Variants in TNIP1 observed in about 807,000 individuals in gnomAD.
The protein encoded by TNIP1 is TNFAIP3-interacting protein 1.
In TNIP1, 22 loss-of-function variants were observed where a neutral mutation model predicts 86.6. The ratio of observed to expected loss-of-function variants is 0.25; its 90% confidence interval spans 0.18 to 0.36. TNIP1 has a LOEUF of 0.36. Among genes scored for constraint, TNIP1 ranks in the 10% least tolerant of loss-of-function variants. The pLI is 1.00. For synonymous variants in TNIP1, 294 were observed against 313.0 expected (o/e 0.94, Z 0.64); for missense variants, 709 against 820.6 (o/e 0.86, Z 1.66).
At chr5:151,059,504 G>A (rs904698300) in intron 5 of TNIP1, among the ~76,000 whole-genome samples, 7 of 152,166 alleles carry the variant, frequency 4.6e-5, no homozygotes, top group Non-Finnish European at 1.0e-4. Context: ...TGTGAAGGGA[G>A]GCAGCAGGGA....
chr5:151,066,044 G>A (rs1416034779), intron 1 of TNIP1, among the ~76,000 whole-genome samples: 2 of 152,168 alleles, frequency 1.3e-5, no homozygotes, highest in Admixed American at 6.5e-5. Flanking sequence ...CATCGACTCC[G>A]TGCTAGGCAC....
At chr5:151,049,023 A>C (rs4958878) in intron 8 of TNIP1, among the ~76,000 whole-genome samples, 8 of 152,140 alleles carry the variant, frequency 5.3e-5, no homozygotes, top group African/African-American at 1.9e-4. Context: ...CCAAATAAGA[A>C]AATAGATTTG....
chr5:151,054,270 A>C (rs1383777284), intron 6 of TNIP1, among the ~76,000 whole-genome samples: 1 of 152,214 alleles, frequency 6.6e-6, no homozygotes, highest in Non-Finnish European at 1.5e-5. Flanking sequence ...TGTGTAACCC[A>C]GGGAGATTTC....
intron 16 of TNIP1, among the ~76,000 whole-genome samples, chr5:151,033,220 GAGGAA>G (rs1267227463): frequency 1.3e-5 from 2 of 151,018 alleles, no homozygotes; most frequent in African/African-American, 2.4e-5. Context: ...GGGGAGGGGA[GAGGAA>G]AGGAAAGGAA....
chr5:151,082,494 C>T (rs1319882531), upstream of TNIP1, among the ~76,000 whole-genome samples: 1 of 152,188 alleles, frequency 6.6e-6, no homozygotes, highest in Non-Finnish European at 1.5e-5. Flanking sequence ...TCTTCCTGCT[C>T]TTTGTGCCTG....
chr5:151,057,451 C>T (rs1581835279), intron 5 of TNIP1, among the ~76,000 whole-genome samples: 3 of 152,194 alleles, frequency 2.0e-5, no homozygotes, highest in Admixed American at 6.5e-5. Flanking sequence ...ACTGGCCGGG[C>T]GCGATGGCTC....
At chr5:151,038,049 A>G (rs1042433612) in intron 12 of TNIP1, among the ~76,000 whole-genome samples, 3 of 152,244 alleles carry the variant, frequency 2.0e-5, no homozygotes, top group Non-Finnish European at 4.4e-5. Context: ...CTCCAAGGTC[A>G]TCTTTATGAT....
intron 2 of TNIP1, 96 bp from the exon 3 acceptor site, chr5:151,063,843 T>C (rs187162594): frequency 5.2e-5 from 77 of 1,489,984 alleles, no homozygotes; most frequent in Non-Finnish European, 6.4e-5. Context: ...CCGCCTGGCT[T>C]CTGAGGCTCC....
chr5:151,057,570 A>AG (rs1760834769), intron 5 of TNIP1, among the ~76,000 whole-genome samples: 1 of 152,172 alleles, frequency 6.6e-6, no homozygotes, highest in Non-Finnish European at 1.5e-5. Flanking sequence ...TACAAAAATT[A>AG]GCTGGGCATG....
Position 151,033,801 on chromosome 5 carries a change from T to C in TNIP1, c.1588-2A>G. On this transcript the variant is annotated splice_acceptor_variant, in intron 15 of 17. Coordinates refer to ENST00000521591, the MANE Select transcript of TNIP1 (RefSeq NM_006058.5). LOFTEE classifies it high-confidence loss of function. ...CACATGGTAACGCTCTCCTGAGGCC[T>C]GCAAGAAAGGCTGACGTCTGGCTTT... 1 of 1,371,488 alleles carries C rather than the reference T, an allele frequency of 7.3e-7. No individual in the cohort carries two copies. 85.0% of individuals were successfully genotyped at this position (1,371,488 alleles called of 1,614,324 possible). A position where few individuals can be genotyped will look rare whatever the true frequency, so the allele number is the denominator to read the frequency against.
At chr5:151,046,335 GA>G (rs1177795300) in intron 8 of TNIP1, 1 of 181,692 alleles carries the variant, frequency 5.5e-6, no homozygotes, top group Non-Finnish European at 1.2e-5. Context: ...GACAGATATA[GA>G]TATAGATATA....
chr5:151,053,528 T>A (rs75638746), intron 6 of TNIP1, among the ~76,000 whole-genome samples: 1 of 152,150 alleles, frequency 6.6e-6, no homozygotes, highest in Non-Finnish European at 1.5e-5. Flanking sequence ...GGGACTCATA[T>A]TGGAAGCTCT....
intron 8 of TNIP1, chr5:151,046,349 C>T (rs72790113): frequency 0.094 from 15,389 of 164,226 alleles, 833 homozygotes; most frequent in Middle Eastern, 0.2. Flanking sequence ...TAGATATACT[C>T]ATTCTATAAA....
intron 8 of TNIP1, among the ~76,000 whole-genome samples, chr5:151,049,421 G>C (rs1034477965): frequency 1.3e-5 from 2 of 152,162 alleles, no homozygotes; most frequent in African/African-American, 4.8e-5. Context: ...ATCCAAGGGA[G>C]CTTGCTCAAC....
rs1450373345 is a variant in TNIP1, at chr5:151,032,351, C to A, written c.1812G>T (p.Gly604=). ...PEYTWRLPCG[G]VRNPNQSSQV... ...GGGAGCTCTGATTTGGATTTCGAAC[C>A]CCTCCACAGGGTAGACGCCAGGTGT... The change falls in exon 17 of 18, where the codon GGG becomes GGT. Residue 604 remains glycine, a synonymous_variant. Coordinates refer to ENST00000521591, the MANE Select transcript of TNIP1 (RefSeq NM_006058.5). The A allele has an allele frequency of 1.2e-6, 2 of 1,614,102 alleles. No homozygotes were observed. Among genetic ancestry groups the A allele is most frequent in the Admixed American group, 3.3e-5 (2 of 60,008 alleles).
intron 11 of TNIP1, among the ~76,000 whole-genome samples, chr5:151,040,923 C>T (rs1758335379): frequency 6.6e-6 from 1 of 152,178 alleles, no homozygotes; most frequent in South Asian, 2.1e-4. Flanking sequence ...TAAGCTGCTC[C>T]AAGGTCCTGA....
chr5:151,064,875 C>G, intron 2 of TNIP1, 85 bp downstream of exon 2: 4 of 1,588,090 alleles, frequency 2.5e-6, no homozygotes, highest in Non-Finnish European at 2.6e-6. Flanking sequence ...CATATGCCAG[C>G]TTCATTCTCC....
intron 1 of TNIP1, among the ~76,000 whole-genome samples, chr5:151,075,362 C>T (rs1262018761): frequency 6.6e-6 from 1 of 152,062 alleles, no homozygotes; most frequent in Non-Finnish European, 1.5e-5. Context: ...TCTGCTTCAA[C>T]TTTTATTTTA....
chr5:151,085,740 G>A (rs78853972), upstream of TNIP1, among the ~76,000 whole-genome samples: 194 of 152,316 alleles, frequency 1.3e-3, 1 homozygote, highest in East Asian at 0.025. Context: ...GCTGGATCTG[G>A]GCTTGCATCC....
Sources: gnomAD v4.1 joint callset for allele counts (sites outside exome capture counted in the v4.1 genomes callset) on GRCh38, gnomAD v4.1.1 for gene constraint, MANE v1.5 for transcripts, NCBI Gene and HGNC (gene_info 2026-07-23, HGNC 2026-07-21) for gene names.